IMMP2L: variants seen among roughly 807,000 people sequenced by gnomAD.
The protein encoded by IMMP2L is inner mitochondrial membrane peptidase subunit 2.
A neutral mutation model predicts 19.3 loss-of-function variants in IMMP2L; 18 were observed. That is an observed-to-expected ratio of 0.93 (90% CI 0.64 to 1.38). The LOEUF (loss-of-function observed/expected upper bound fraction) is 1.38, where lower values mean the gene tolerates loss of function less well. Ranked by LOEUF, IMMP2L falls within the 40% of genes most tolerant of loss-of-function variation. The pLI is 0.00. For synonymous variants in IMMP2L, 76 were observed against 73.0 expected (o/e 1.04, Z -0.21); for missense variants, 233 against 218.2 (o/e 1.07, Z -0.43).
intron 3 of IMMP2L, among the ~76,000 whole-genome samples, chr7:111,065,178 T>C (rs1224615852): frequency 2.0e-5 from 3 of 152,250 alleles, no homozygotes; most frequent in Admixed American, 6.5e-5. Flanking sequence ...ATGTATACAC[T>C]TGTAATAAGA....
chr7:111,001,644 C>G (rs74532522), intron 3 of IMMP2L, among the ~76,000 whole-genome samples: 1,887 of 152,228 alleles, frequency 0.012, 30 homozygotes, highest in African/African-American at 0.042. Flanking sequence ...CACTATTAAT[C>G]TGTCAAAATC....
intron 3 of IMMP2L, among the ~76,000 whole-genome samples, chr7:111,005,946 A>C (rs1474145886): frequency 6.6e-6 from 1 of 151,586 alleles, no homozygotes; most frequent in Non-Finnish European, 1.5e-5. Context: ...AAAGAGCAGA[A>C]ACTAATTTCA....
intron 3 of IMMP2L, among the ~76,000 whole-genome samples, chr7:111,344,431 T>C (rs1827335640): frequency 6.6e-6 from 1 of 152,186 alleles, no homozygotes; most frequent in Non-Finnish European, 1.5e-5. Flanking sequence ...ACACCATATC[T>C]AAACTGAACT....
intron 3 of IMMP2L, among the ~76,000 whole-genome samples, chr7:111,320,524 C>A (rs560172696): frequency 6.6e-6 from 1 of 152,130 alleles, no homozygotes; most frequent in African/African-American, 2.4e-5. Flanking sequence ...TTAGGAACAA[C>A]CCACTACCCT....
chr7:111,277,335 C>CA (rs1463184721), intron 3 of IMMP2L, among the ~76,000 whole-genome samples: 3 of 151,406 alleles, frequency 2.0e-5, no homozygotes, highest in Admixed American at 2.0e-4. Flanking sequence ...CAAACACACA[C>CA]AAAAAAATGC....
intron 3 of IMMP2L, among the ~76,000 whole-genome samples, chr7:111,412,239 G>A (rs1160447869): frequency 6.6e-6 from 1 of 151,736 alleles, no homozygotes; most frequent in South Asian, 2.1e-4. Flanking sequence ...TACTCTCTAG[G>A]TAATTGACAG....
At chr7:110,668,850 T>C (rs1425586771) in intron 5 of IMMP2L, among the ~76,000 whole-genome samples, 1 of 151,890 alleles carries the variant, frequency 6.6e-6, no homozygotes, top group African/African-American at 2.4e-5. Context: ...TTGTCATGGA[T>C]CTTCATTTTT....
intron 5 of IMMP2L, among the ~76,000 whole-genome samples, chr7:110,741,724 A>G (rs1262369966): frequency 6.6e-6 from 1 of 152,242 alleles, no homozygotes; most frequent in Non-Finnish European, 1.5e-5. Flanking sequence ...TTTATAAATT[A>G]TAGACATACT....
intron 5 of IMMP2L, among the ~76,000 whole-genome samples, chr7:110,685,438 AAGTC>A (rs1793046612): frequency 6.6e-6 from 1 of 152,172 alleles, no homozygotes; most frequent in Admixed American, 6.5e-5. Context: ...GCCCCATAGA[AAGTC>A]AGGTACAGAT....
intron 1 of IMMP2L, among the ~76,000 whole-genome samples, chr7:111,553,473 G>T (rs1225165706): frequency 2.0e-5 from 3 of 152,118 alleles, no homozygotes; most frequent in African/African-American, 7.2e-5. Context: ...ATTGTGCTCT[G>T]TGGAGTTGTT....
chr7:111,259,533 GGATGCTGA>G (rs1817082876), intron 3 of IMMP2L, among the ~76,000 whole-genome samples: 3 of 152,134 alleles, frequency 2.0e-5, no homozygotes, highest in African/African-American at 7.2e-5. Flanking sequence ...TAGCTACTCA[GGATGCTGA>G]GGCAGGGGAT....
chr7:111,560,402 CTAA>C (rs1272389233), intron 1 of IMMP2L, among the ~76,000 whole-genome samples: 2 of 152,108 alleles, frequency 1.3e-5, no homozygotes, highest in African/African-American at 4.8e-5. Context: ...TCCATGATTC[CTAA>C]TATTAGGTCC....
intron 5 of IMMP2L, among the ~76,000 whole-genome samples, chr7:110,706,243 T>G (rs547923127): frequency 6.6e-6 from 1 of 152,162 alleles, no homozygotes; most frequent in South Asian, 2.1e-4. Flanking sequence ...GCTGGGACTA[T>G]GAGCATGTGC....
chr7:111,264,589 G>C (rs1188304671), intron 3 of IMMP2L, among the ~76,000 whole-genome samples: 1 of 151,556 alleles, frequency 6.6e-6, no homozygotes, highest in Non-Finnish European at 1.5e-5. Context: ...CACTATTTTT[G>C]ACTTGATTAC....
At chr7:111,267,063 C>T (rs889602611) in intron 3 of IMMP2L, among the ~76,000 whole-genome samples, 1 of 152,098 alleles carries the variant, frequency 6.6e-6, no homozygotes, top group Non-Finnish European at 1.5e-5. Context: ...TGATTTTGAT[C>T]ATAAGTTTGG....
intron 3 of IMMP2L, among the ~76,000 whole-genome samples, chr7:111,364,406 CTG>C (rs1829567632): frequency 6.6e-6 from 1 of 151,988 alleles, no homozygotes; most frequent in Admixed American, 6.6e-5. Context: ...GAGCACAGCT[CTG>C]TGACTTTGGT....
At chr7:111,149,754 T>C (rs939657785) in intron 3 of IMMP2L, among the ~76,000 whole-genome samples, 1 of 152,170 alleles carries the variant, frequency 6.6e-6, no homozygotes, top group Non-Finnish European at 1.5e-5. Context: ...ATGTGATTTA[T>C]ATAACCTACA....
At chr7:111,424,535 T>G (rs1835889533) in intron 3 of IMMP2L, among the ~76,000 whole-genome samples, 1 of 151,738 alleles carries the variant, frequency 6.6e-6, no homozygotes, top group East Asian at 1.9e-4. Flanking sequence ...TTTAAATATA[T>G]TAGGTGACAC....
chr7:111,369,023 T>C (rs1265159211), intron 3 of IMMP2L, among the ~76,000 whole-genome samples: 1 of 151,970 alleles, frequency 6.6e-6, no homozygotes, highest in Admixed American at 6.6e-5. Flanking sequence ...TCAATGACAA[T>C]ACCAATAATA....
Sources: allele counts gnomAD v4.1 joint callset (sites outside exome capture counted in the v4.1 genomes callset), GRCh38; gene constraint gnomAD v4.1.1; transcripts MANE v1.5; gene names NCBI Gene and HGNC (gene_info 2026-07-23, HGNC 2026-07-21).